The following PLXDC1 variants were observed in gnomAD, a reference collection of about 807,000 sequenced individuals.
PLXDC1 encodes plexin domain containing 1.
A neutral mutation model predicts 61.3 loss-of-function variants in PLXDC1; 39 were observed. That is an observed-to-expected ratio of 0.64 (90% confidence interval 0.49 to 0.83). The LOEUF (loss-of-function observed/expected upper bound fraction) is 0.83. Among genes scored for constraint, PLXDC1 ranks in the 40% least tolerant of loss-of-function variants. The pLI, the probability that PLXDC1 is intolerant of heterozygous loss-of-function variation, is 0.00. For missense variants in PLXDC1, 596 were observed against 666.5 expected, an observed-to-expected ratio of 0.89 and a Z score of 1.17; for synonymous variants, 212 against 254.5, an observed-to-expected ratio of 0.83 and a Z score of 1.59.
rs1262902873 is a variant in PLXDC1, at chr17:39,091,319, A to G, written c.812-3617T>C. On this transcript the variant is annotated intron_variant, in intron 7 of 13. Transcript: ENST00000315392. ...TGGAATCCATCTCCCCGCAACACACACCCACTGACTCCCATGGGGAGAGGC... is the reference window on the plus strand; with the variant it reads ...TGGAATCCATCTCCCCGCAACACACGCCCACTGACTCCCATGGGGAGAGGC... Among the ~76,000 whole-genome samples the G allele has an allele frequency of 3.4e-5, 4 of 118,966 alleles. No individual in the cohort carries two copies. In the East Asian group the frequency reaches 1.1e-3, roughly 32 times the overall value. 78.0% of individuals were successfully genotyped at this position (118,966 alleles called of 152,430 possible).
At chr17:39,099,749 T>C (rs1910353526) in intron 7 of PLXDC1, among the ~76,000 whole-genome samples, 2 of 152,134 alleles carry the variant, frequency 1.3e-5, no homozygotes, top group Admixed American at 6.5e-5. Context: ...AAGGGACAAA[T>C]GTACAAACTC....
At position 39,087,655 on chromosome 17, in the gene PLXDC1, G is replaced by A. The variant is rs373937413; in HGVS notation, c.859C>T (p.Pro287Ser). 32 of 1,614,062 alleles carry A rather than the reference G, an allele frequency of 2.0e-5. No individual in the cohort carries two copies. The South Asian group carries it at 2.6e-4, about 13-fold the overall frequency. The change falls in exon 8 of 14, where the codon CCC becomes TCC. Residue 287 changes from proline (P) to serine (S), a missense_variant. Transcript: ENST00000315392. ...GCCGACATGCTGGTGACCTTGCTGGGGTCCAGCTCTATGCGGTGATATTCA... is the reference window on the plus strand; with the variant it reads ...GCCGACATGCTGGTGACCTTGCTGGAGTCCAGCTCTATGCGGTGATATTCA... ...IFEYHRIELDPSKVTSMSAVE... is the reference protein window; with the variant it reads ...IFEYHRIELDSSKVTSMSAVE...
At chr17:39,068,843 G>A (rs1909000214) in intron 13 of PLXDC1, among the ~76,000 whole-genome samples, 1 of 152,160 alleles carries the variant, frequency 6.6e-6, no homozygotes, top group Admixed American at 6.5e-5. Flanking sequence ...GGTTAATGAG[G>A]CTGGTGGGCT....
chr17:39,129,211 G>A (rs1293007756), intron 2 of PLXDC1, among the ~76,000 whole-genome samples: 10 of 151,878 alleles, frequency 6.6e-5, no homozygotes, highest in African/African-American at 1.2e-4. Flanking sequence ...CCAGCTACTC[G>A]GGAGGCTGAG....
chr17:39,096,200 A>G (rs1210732905), intron 7 of PLXDC1, among the ~76,000 whole-genome samples: 2 of 152,216 alleles, frequency 1.3e-5, no homozygotes, highest in African/African-American at 4.8e-5. Flanking sequence ...TTCATTCAAT[A>G]ATCACGAGTG....
intron 2 of PLXDC1, among the ~76,000 whole-genome samples, chr17:39,113,401 GTT>G: frequency 6.6e-6 from 1 of 152,340 alleles, no homozygotes; most frequent in South Asian, 2.1e-4. Context: ...ACAGGTGTGT[GTT>G]ACTGTGGCCC....
chr17:39,122,522 G>A (rs72823318), intron 2 of PLXDC1, among the ~76,000 whole-genome samples: 28,602 of 152,062 alleles, frequency 0.19, 2,798 homozygotes, highest in Middle Eastern at 0.31. Flanking sequence ...CCGCAAGATA[G>A]CAGGAACCTA....
intron 9 of PLXDC1, chr17:39,081,599 C>A (rs533370790): frequency 6.7e-6 from 1 of 149,986 alleles, no homozygotes; most frequent in South Asian, 2.2e-4. Flanking sequence ...TGCACTCCAG[C>A]CTGGGTGACA....
intron 2 of PLXDC1, among the ~76,000 whole-genome samples, chr17:39,130,966 T>C (rs1567770793): frequency 6.6e-6 from 1 of 151,864 alleles, no homozygotes; most frequent in Non-Finnish European, 1.5e-5. Context: ...GAAAGGAAAA[T>C]GGCCTGCAAG....
At chr17:39,099,828 G>A (rs1041427707) in intron 7 of PLXDC1, among the ~76,000 whole-genome samples, 4 of 152,062 alleles carry the variant, frequency 2.6e-5, no homozygotes, top group Non-Finnish European at 1.5e-5. Context: ...TAATCAGTGT[G>A]GTAGGCAGAC....
At chr17:39,137,799 G>A (rs934638299) in intron 2 of PLXDC1, among the ~76,000 whole-genome samples, 3 of 151,904 alleles carry the variant, frequency 2.0e-5, no homozygotes, top group East Asian at 1.9e-4. Flanking sequence ...TTCCCAGGAC[G>A]AACAGAAAGG....
chr17:39,107,625 C>A, intron 5 of PLXDC1, 100 bp from the exon 6 acceptor site: 1 of 874,268 alleles, frequency 1.1e-6, no homozygotes, highest in East Asian at 2.4e-5. Flanking sequence ...GGTTGGGTCC[C>A]TTCGGGATGA....
intron 2 of PLXDC1, among the ~76,000 whole-genome samples, chr17:39,115,682 G>A (rs1431471872): frequency 6.6e-6 from 1 of 152,218 alleles, no homozygotes; most frequent in Non-Finnish European, 1.5e-5. Flanking sequence ...GAGCGTGGGA[G>A]GAAGGAGAAG....
intron 13 of PLXDC1, 150 bp from the exon 14 acceptor site, chr17:39,068,109 G>C: frequency 1.5e-6 from 1 of 672,236 alleles, no homozygotes; most frequent in East Asian, 2.8e-5. Flanking sequence ...GACCTTCAGG[G>C]ACCCTCTCCC....
In PLXDC1 at chr17:39,084,596, T is replaced by C. The variant is rs548083134; in HGVS notation, c.908-1056A>G. On this transcript the variant is annotated intron_variant, in intron 8 of 13. Transcript: ENST00000315392. ...AAGAAGTCAAGGCAGAAAGGTCCCA[T>C]GTGCAGAGCCGAGAGGGGAACGGCC... Among the ~76,000 whole-genome samples the C allele has an allele frequency of 6.6e-5, 10 of 152,316 alleles. No individual in the cohort carries two copies. The East Asian group carries it at 1.2e-3, about 18-fold the overall frequency.
intron 2 of PLXDC1, among the ~76,000 whole-genome samples, chr17:39,135,494 T>C (rs1242789280): frequency 2.0e-5 from 3 of 152,036 alleles, no homozygotes; most frequent in Non-Finnish European, 4.4e-5. Context: ...CTGGCCAACA[T>C]GGTGAAACCC....
At chr17:39,095,750 C>T (rs1910169756) in intron 7 of PLXDC1, among the ~76,000 whole-genome samples, 1 of 152,034 alleles carries the variant, frequency 6.6e-6, no homozygotes, top group African/African-American at 2.4e-5. Context: ...CTGCAGCCTC[C>T]ACCTCCCGGG....
chr17:39,136,649 G>A (rs897002791), intron 2 of PLXDC1, among the ~76,000 whole-genome samples: 20 of 152,070 alleles, frequency 1.3e-4, no homozygotes, highest in Non-Finnish European at 2.1e-4. Context: ...AGAGAGCAGA[G>A]GGGAAAAAAA....
chr17:39,110,686 C>T (rs936470682), intron 2 of PLXDC1, among the ~76,000 whole-genome samples: 4 of 152,208 alleles, frequency 2.6e-5, no homozygotes, highest in South Asian at 2.1e-4. Context: ...GCAGAGTAAA[C>T]GACATTCTCC....
Sources: allele counts gnomAD v4.1 joint callset (sites outside exome capture counted in the v4.1 genomes callset), GRCh38; gene constraint gnomAD v4.1.1; transcripts MANE v1.5; gene names NCBI Gene and HGNC (gene_info 2026-07-23, HGNC 2026-07-21).